SLC11A2: variants seen among roughly 807,000 people sequenced by gnomAD.
SLC11A2 encodes the protein solute carrier family 11 member 2, also known as natural resistance-associated macrophage protein 2.
Under a neutral mutation model 68.0 loss-of-function variants are expected in SLC11A2, and 38 were observed. That is an observed-to-expected ratio of 0.56 (90% confidence interval 0.43 to 0.73). SLC11A2 has a LOEUF of 0.73. Ranked by LOEUF, SLC11A2 falls within the 30% of genes least tolerant of loss-of-function variation. The probability of loss-of-function intolerance (pLI) is 0.00; values close to 1 mark genes in which losing one functional copy is unlikely to be tolerated. For synonymous variants in SLC11A2, 242 were observed against 250.6 expected (o/e 0.97, Z 0.32); for missense variants, 517 against 690.5 (o/e 0.75, Z 2.82).
chr12:51,000,922 T>G (rs1942156042), intron 5 of SLC11A2, among the ~76,000 whole-genome samples: 1 of 151,966 alleles, frequency 6.6e-6, no homozygotes, highest in Non-Finnish European at 1.5e-5. Context: ...TCCCAGCACT[T>G]TGGGAGGCTG....
chr12:50,997,069 G>C, intron 8 of SLC11A2, 97 bp from the exon 9 acceptor site: 1 of 932,724 alleles, frequency 1.1e-6, no homozygotes, highest in Non-Finnish European at 1.8e-6. Flanking sequence ...CCCTTACAAT[G>C]CCTTCTTCCT....
chr12:51,007,398 G>A (rs970856559), intron 3 of SLC11A2, among the ~76,000 whole-genome samples: 15 of 152,082 alleles, frequency 9.9e-5, no homozygotes, highest in African/African-American at 2.4e-5. Flanking sequence ...GCAGTGGCGC[G>A]ATCTTGGCTC....
Position 50,990,820 on chromosome 12 carries a change from G to A in SLC11A2, c.1550C>T (p.Ala517Val). 3 of 1,614,080 alleles carry A rather than the reference G, an allele frequency of 1.9e-6. No individual in the cohort carries two copies. Among genetic ancestry groups the A allele is most frequent in the Admixed American group, 1.7e-5 (1 of 60,008 alleles). The change falls in exon 15 of 16, where the codon GCT (alanine) becomes GTT (valine). Residue 517 changes from alanine (A) to valine (V), a missense_variant. Physicochemically the swap from Ala to Val is moderately conservative, Grantham distance 64 (BLOSUM62 0). Coordinates refer to ENST00000262052, the MANE Select transcript of SLC11A2 (RefSeq NM_000617.3). Reference sequence around the variant, plus strand: ...CAAGTAGAACACAAAGCCCAGATAAGCCACGCTGACCACAGCAGCCACCAC... The same window carrying A: ...CAAGTAGAACACAAAGCCCAGATAAACCACGCTGACCACAGCAGCCACCAC... ...LYVVAAVVSVAYLGFVFYLGW... is the reference protein window; with the variant it reads ...LYVVAAVVSVVYLGFVFYLGW...
chr12:50,953,991 A>G, the SLC11A2 span: 1 of 1,574,130 alleles, frequency 6.4e-7, no homozygotes, highest in Non-Finnish European at 8.7e-7. Flanking sequence ...TTGTTACTAG[A>G]GAAAAAAATG....
At chr12:50,998,876 C>A (rs1465353863) in intron 8 of SLC11A2, among the ~76,000 whole-genome samples, 1 of 152,166 alleles carries the variant, frequency 6.6e-6, no homozygotes, top group East Asian at 1.9e-4. Flanking sequence ...TTAATTAACA[C>A]TATCCATGGC....
chr12:51,004,771 G>C lies in SLC11A2; in HGVS notation c.429+17C>G. On this transcript the variant is annotated intron_variant, in intron 5 of 15. Coordinates refer to ENST00000262052, the MANE Select transcript of SLC11A2 (RefSeq NM_000617.3). ...TATGGCATGGGTGAGAGACAAACAG[G>C]ACAATACATTGCTCACCTTGGGATA... 1 of 1,613,316 alleles carries C rather than the reference G, an allele frequency of 6.2e-7. No homozygotes were observed. The highest frequency in any genetic ancestry group is 8.5e-7 in the Non-Finnish European group (1 of 1,179,582).
At chr12:50,983,554 A>G (rs189001958), downstream of SLC11A2, among the ~76,000 whole-genome samples, 35 of 152,284 alleles carry the variant, frequency 2.3e-4, no homozygotes, top group Admixed American at 2.2e-3. Context: ...AATGCCAAGT[A>G]CAGCCAGGCA....
rs1942638581 is a variant in SLC11A2, at chr12:51,005,438, T to C, written c.184-2A>G. ...TTTACGAAAGCTAAAACAAGAGTAC[T>C]GTACAAGAGAGGAAAAGAGATTAAA... On this transcript the variant is annotated splice_acceptor_variant, in intron 3 of 15. Transcript: ENST00000262052. LOFTEE classifies it high-confidence loss of function. 1 of 1,613,520 alleles carries C rather than the reference T, an allele frequency of 6.2e-7. No homozygotes were observed.
upstream of SLC11A2, chr12:51,026,542 G>T: frequency 2.8e-6 from 1 of 360,490 alleles, no homozygotes; most frequent in Non-Finnish European, 5.1e-6. Flanking sequence ...TGGGGCACGC[G>T]GCGGCCCCTG....
chr12:50,991,507 CCT>C, intron 14 of SLC11A2, 90 bp downstream of exon 14: 1 of 963,646 alleles, frequency 1.0e-6, no homozygotes, highest in Non-Finnish European at 1.7e-6. Context: ...ATATCGCTTC[CCT>C]CTGTGTCTCA....
chr12:51,010,603 T>A, intron 2 of SLC11A2, 92 bp downstream of exon 2: 1 of 760,482 alleles, frequency 1.3e-6, no homozygotes, highest in South Asian at 1.5e-5. Flanking sequence ...TGATGACAGA[T>A]GATGACAAGA....
At chr12:51,011,482 T>G (rs1376087215) in intron 1 of SLC11A2, among the ~76,000 whole-genome samples, 3 of 151,930 alleles carry the variant, frequency 2.0e-5, no homozygotes, top group Non-Finnish European at 4.4e-5. Context: ...CAAGTATCCA[T>G]TCTCTGCCTT....
chr12:50,991,437 T>C (rs918996199), intron 14 of SLC11A2, 162 bp downstream of exon 14: 1 of 668,600 alleles, frequency 1.5e-6, no homozygotes. Context: ...TCCTTTACTA[T>C]ATTCACAGTT....
At chr12:51,027,036 C>T (rs1171480083), upstream of SLC11A2, among the ~76,000 whole-genome samples, 2 of 152,066 alleles carry the variant, frequency 1.3e-5, no homozygotes, top group Non-Finnish European at 2.9e-5. Flanking sequence ...ATTAGCCGGG[C>T]GTGGTGGCGC....
chr12:50,970,901 T>C, the SLC11A2 span, among the ~76,000 whole-genome samples: 1 of 152,106 alleles, frequency 6.6e-6, no homozygotes, highest in Non-Finnish European at 1.5e-5. Flanking sequence ...TTTTTTGAGA[T>C]GGAGTCTTAC....
downstream of SLC11A2, among the ~76,000 whole-genome samples, chr12:50,983,836 T>C (rs1321213590): frequency 6.6e-6 from 1 of 151,970 alleles, no homozygotes; most frequent in East Asian, 1.9e-4. Context: ...GCCTTAGTGG[T>C]GTGTGCCTGT....
Position 50,996,918 on chromosome 12 carries a change from A to G in SLC11A2, c.730T>C (p.Ser244Pro). The change falls in exon 9 of 16, where the codon TCC becomes CCC. Residue 244 changes from serine (S) to proline (P), a missense_variant. Ser to Pro is a moderately conservative substitution (Grantham distance 74, BLOSUM62 -1). Coordinates refer to ENST00000262052, the MANE Select transcript of SLC11A2 (RefSeq NM_000617.3). Reference protein sequence around the residue: ...SQVLKGMFVPSCSGCRTPQIE... With the variant: ...SQVLKGMFVPPCSGCRTPQIE... ...TGTGGAGTGCGACAGCCTGAACAGG[A>G]TGGTACGAACATGCCCTTGAGTACC... 1 of 1,614,024 alleles carries G rather than the reference A, an allele frequency of 6.2e-7. No homozygotes were observed. Among genetic ancestry groups the G allele is most frequent in the Non-Finnish European group, 8.5e-7 (1 of 1,179,920 alleles).
chr12:50,981,602 C>A (rs1419196173), downstream of SLC11A2: 3 of 698,554 alleles, frequency 4.3e-6, no homozygotes, highest in Non-Finnish European at 7.6e-6. Context: ...ATGAGGAAAT[C>A]TTTGCCTTTT....
At chr12:50,992,736 AAAAAAAAAAAG>A (rs1941289112) in intron 12 of SLC11A2, 63 bp downstream of exon 12, 9 of 1,419,708 alleles carry the variant, frequency 6.3e-6, no homozygotes, top group Non-Finnish European at 8.7e-6. Flanking sequence ...ATCTCAAAAA[AAAAAAAAAAAG>A]AAGAAGAAGA....
Sources: allele counts gnomAD v4.1 joint callset (sites outside exome capture counted in the v4.1 genomes callset), GRCh38; gene constraint gnomAD v4.1.1; transcripts MANE v1.5; gene names NCBI Gene and HGNC (gene_info 2026-07-23, HGNC 2026-07-21).